CTNNA3: variants seen among roughly 807,000 people sequenced by gnomAD.
The protein encoded by CTNNA3 is catenin alpha 3.
Under a neutral mutation model 95.7 loss-of-function variants are expected in CTNNA3, and 76 were observed. The observed-to-expected ratio is 0.79, with a 90% confidence interval of 0.66 to 0.96. The LOEUF is 0.96. Ranked by LOEUF, CTNNA3 falls within the 40% of genes least tolerant of loss-of-function variation. The probability of loss-of-function intolerance (pLI) is 0.00; values close to 1 mark genes in which losing one functional copy is unlikely to be tolerated. For missense variants in CTNNA3, 1,191 were observed against 1,089.8 expected, an observed-to-expected ratio of 1.09 and a Z score of -1.31; for synonymous variants, 431 against 374.4, an observed-to-expected ratio of 1.15 and a Z score of -1.74.
intron 1 of CTNNA3, among the ~76,000 whole-genome samples, chr10:67,748,782 T>G (rs1010688928): frequency 1.3e-5 from 2 of 152,164 alleles, no homozygotes; most frequent in African/African-American, 4.8e-5. Flanking sequence ...ATAGGCTAAA[T>G]GTCCCAATTA....
At chr10:66,891,394 G>C (rs181126657) in intron 7 of CTNNA3, among the ~76,000 whole-genome samples, 1 of 152,064 alleles carries the variant, frequency 6.6e-6, no homozygotes, top group African/African-American at 2.4e-5. Context: ...ACTATGGAAG[G>C]CCTCATTCAA....
intron 7 of CTNNA3, among the ~76,000 whole-genome samples, chr10:66,907,610 T>C (rs1200642149): frequency 6.6e-6 from 1 of 152,158 alleles, no homozygotes; most frequent in Non-Finnish European, 1.5e-5. Flanking sequence ...TATCCCATGT[T>C]AGGAACTTTC....
intron 9 of CTNNA3, among the ~76,000 whole-genome samples, chr10:66,643,813 A>T (rs1227828938): frequency 6.6e-6 from 1 of 152,210 alleles, no homozygotes; most frequent in Non-Finnish European, 1.5e-5. Context: ...TTTGTTAGGT[A>T]TATTTTTCTA....
intron 12 of CTNNA3, among the ~76,000 whole-genome samples, chr10:66,307,840 TACTA>T (rs1435034478): frequency 1.3e-5 from 2 of 152,226 alleles, no homozygotes; most frequent in African/African-American, 4.8e-5. Flanking sequence ...AAATAAGGTT[TACTA>T]ACTGAGACTG....
intron 12 of CTNNA3, among the ~76,000 whole-genome samples, chr10:66,361,545 T>C (rs528423938): frequency 5.3e-5 from 8 of 151,528 alleles, no homozygotes; most frequent in Non-Finnish European, 7.4e-5. Context: ...TCTTTCTTTC[T>C]TTCTTTTTTA....
chr10:66,543,386 G>A (rs567112339), intron 10 of CTNNA3, among the ~76,000 whole-genome samples: 6 of 151,920 alleles, frequency 3.9e-5, no homozygotes, highest in African/African-American at 7.3e-5. Context: ...TACTGCACCC[G>A]CCCAGAATGC....
chr10:66,597,867 A>G (rs1843779571), intron 10 of CTNNA3, among the ~76,000 whole-genome samples: 2 of 151,960 alleles, frequency 1.3e-5, no homozygotes, highest in African/African-American at 4.8e-5. Context: ...CTTACAAGAA[A>G]TGGGAGTTAT....
intron 5 of CTNNA3, among the ~76,000 whole-genome samples, chr10:67,222,437 C>T (rs1464957693): frequency 6.6e-6 from 1 of 152,078 alleles, no homozygotes; most frequent in African/African-American, 2.4e-5. Flanking sequence ...ATACTTCTGC[C>T]GACCCTCTCA....
chr10:67,753,003 C>G (rs531267093), intron 1 of CTNNA3, among the ~76,000 whole-genome samples: 1 of 152,116 alleles, frequency 6.6e-6, no homozygotes, highest in South Asian at 2.1e-4. Context: ...AAAAAGACCC[C>G]ATATAGCCAA....
At chr10:66,499,756 CT>C (rs1840215872) in intron 11 of CTNNA3, among the ~76,000 whole-genome samples, 1 of 151,458 alleles carries the variant, frequency 6.6e-6, no homozygotes, top group Admixed American at 6.6e-5. Flanking sequence ...ATCTATGGAA[CT>C]CCTAGAGATC....
chr10:66,606,984 T>A (rs2132273553), intron 10 of CTNNA3, among the ~76,000 whole-genome samples: 1 of 152,098 alleles, frequency 6.6e-6, no homozygotes, highest in East Asian at 1.9e-4. Flanking sequence ...GATCAACGAA[T>A]CCAGGAGTTG....
chr10:66,289,126 G>T (rs2132185776), intron 12 of CTNNA3, among the ~76,000 whole-genome samples: 1 of 151,878 alleles, frequency 6.6e-6, no homozygotes, highest in African/African-American at 2.4e-5. Context: ...GTTCCAATTT[G>T]TTACTTTCAT....
At chr10:67,467,781 G>A (rs1435541842) in intron 5 of CTNNA3, among the ~76,000 whole-genome samples, 1 of 151,946 alleles carries the variant, frequency 6.6e-6, no homozygotes, top group African/African-American at 2.4e-5. Flanking sequence ...TGCAATCATG[G>A]CTCACTGCAG....
intron 9 of CTNNA3, among the ~76,000 whole-genome samples, chr10:66,739,037 C>T (rs1849241461): frequency 1.3e-5 from 2 of 152,100 alleles, no homozygotes; most frequent in African/African-American, 4.8e-5. Flanking sequence ...AAATTTCAGT[C>T]ATCTCAGTCA....
intron 7 of CTNNA3, among the ~76,000 whole-genome samples, chr10:67,133,985 G>A (rs934454513): frequency 6.6e-6 from 1 of 152,060 alleles, no homozygotes; most frequent in African/African-American, 2.4e-5. Context: ...CACTCAGCTT[G>A]ATTCATTATT....
intron 15 of CTNNA3, among the ~76,000 whole-genome samples, chr10:65,996,423 T>C (rs2078661602): frequency 6.6e-6 from 1 of 152,128 alleles, no homozygotes; most frequent in Admixed American, 6.6e-5. Context: ...ATCACTCTCA[T>C]GCCACTGCAG....
At chr10:66,692,947 G>C (rs528057818) in intron 9 of CTNNA3, among the ~76,000 whole-genome samples, 29 of 152,180 alleles carry the variant, frequency 1.9e-4, no homozygotes, top group African/African-American at 4.8e-4. Context: ...TGCCCTAAAA[G>C]AGCTCCTGAA....
chr10:67,133,183 C>T (rs1248537852), intron 7 of CTNNA3, among the ~76,000 whole-genome samples: 3 of 149,854 alleles, frequency 2.0e-5, no homozygotes, highest in East Asian at 2.0e-4. Context: ...ATATGTACTC[C>T]GTAAATAGGT....
intron 11 of CTNNA3, among the ~76,000 whole-genome samples, chr10:66,518,120 C>A (rs539075999): frequency 2.0e-5 from 3 of 152,036 alleles, no homozygotes; most frequent in Non-Finnish European, 4.4e-5. Flanking sequence ...ATTTAAGTAA[C>A]CTTTACATGA....
Sources: gnomAD v4.1 joint callset for allele counts (sites outside exome capture counted in the v4.1 genomes callset) on GRCh38, gnomAD v4.1.1 for gene constraint, MANE v1.5 for transcripts, NCBI Gene and HGNC (gene_info 2026-07-23, HGNC 2026-07-21) for gene names.